PCDHGA6: variants seen among roughly 807,000 people sequenced by gnomAD.
PCDHGA6 encodes the protein protocadherin gamma subfamily A, 6.
Under a neutral mutation model 60.6 loss-of-function variants are expected in PCDHGA6, and 41 were observed. That is an observed-to-expected ratio of 0.68 (90% CI 0.53 to 0.88). The LOEUF is 0.88. PCDHGA6 is among the 40% of genes least tolerant of loss of function. The pLI, the probability that PCDHGA6 is intolerant of heterozygous loss-of-function variation, is 0.00. For synonymous variants in PCDHGA6, 594 were observed against 524.4 expected (o/e 1.13, Z -1.81); for missense variants, 1,312 against 1,203.0 (o/e 1.09, Z -1.34).
rs751874380 is a variant in PCDHGA6 at position 141,486,055 on chromosome 5, C to A, written c.2425-8752C>A. ...CTGATCGTGTAAGAAACCTCTTTAG[C>A]CTGCACCCCACTACTGGAAAGCTTA... On this transcript the variant is annotated intron_variant, in intron 1 of 3. Transcript: ENST00000517434. The surrounding 1 kb of genome is among the most constrained non-coding windows in gnomAD (Gnocchi z 5.0). The A allele has an allele frequency of 6.2e-7, 1 of 1,614,170 alleles. No individual in the cohort carries two copies. Among genetic ancestry groups the A allele is most frequent in the South Asian group, 1.1e-5 (1 of 91,072 alleles).
chr5:141,399,527 T>A (rs781680585), intron 1 of PCDHGA6: 2 of 1,614,016 alleles, frequency 1.2e-6, no homozygotes, highest in East Asian at 2.2e-5. Context: ...GGGGCCTCCA[T>A]CGCGCAAGTC....
At chr5:141,404,472 T>C in intron 1 of PCDHGA6, 1 of 1,613,692 alleles carries the variant, frequency 6.2e-7, no homozygotes, top group Non-Finnish European at 8.5e-7. Context: ...TATGTCTCTA[T>C]TAACTCAGAC....
intron 1 of PCDHGA6, chr5:141,418,928 A>C: frequency 1.2e-6 from 2 of 1,613,978 alleles, no homozygotes; most frequent in Non-Finnish European, 1.7e-6. Flanking sequence ...TGATCAGATT[A>C]TGGAGGATTC....
chr5:141,433,067 T>C, intron 1 of PCDHGA6: 3 of 1,614,144 alleles, frequency 1.9e-6, no homozygotes, highest in Non-Finnish European at 2.5e-6. Context: ...TCACCTGATC[T>C]TCCCCCAGCC....
chr5:141,456,735 C>T (rs568353480), intron 1 of PCDHGA6, among the ~76,000 whole-genome samples: 8 of 152,216 alleles, frequency 5.3e-5, no homozygotes, highest in East Asian at 3.9e-4. Context: ...GAGGCTGAGG[C>T]GGGAGCATCA....
chr5:141,426,909 G>A (rs1293364217), intron 1 of PCDHGA6: 1 of 456,744 alleles, frequency 2.2e-6, no homozygotes, highest in Non-Finnish European at 4.4e-6. Flanking sequence ...TCATCTCCTG[G>A]TCCTGGAAGC....
At chr5:141,388,800 G>T (rs1193679536) in intron 1 of PCDHGA6, 1 of 1,613,896 alleles carries the variant, frequency 6.2e-7, no homozygotes, top group Non-Finnish European at 8.5e-7. Context: ...AAATACATTA[G>T]ATTTTGAAGA....
At chr5:141,417,789 C>G in intron 1 of PCDHGA6, 1 of 1,477,596 alleles carries the variant, frequency 6.8e-7, no homozygotes, top group Non-Finnish European at 9.0e-7. Context: ...GGGCCGAATG[C>G]TCTTTTAGCG....
intron 1 of PCDHGA6, chr5:141,421,938 T>C (rs777643980): frequency 2.9e-5 from 46 of 1,613,346 alleles, no homozygotes; most frequent in Non-Finnish European, 3.5e-5. Context: ...TCGATGTAAA[T>C]GATCACATCC....
At chr5:141,383,749 A>G in intron 1 of PCDHGA6, 1 of 1,614,008 alleles carries the variant, frequency 6.2e-7, no homozygotes, top group South Asian at 1.1e-5. Context: ...TTTTCGGAAA[A>G]TAACTCCTAA....
At chr5:141,381,830 T>C (rs796824162) in intron 1 of PCDHGA6, among the ~76,000 whole-genome samples, 3 of 133,454 alleles carry the variant, frequency 2.2e-5, no homozygotes, top group African/African-American at 9.3e-5. Flanking sequence ...CTTCTTCTTT[T>C]TTTTTTTTTT....
intron 1 of PCDHGA6, chr5:141,403,461 A>G (rs2094410364): frequency 6.2e-7 from 1 of 1,614,010 alleles, no homozygotes; most frequent in Non-Finnish European, 8.5e-7. Context: ...CTCCAGAGCT[A>G]CCAGCTCAGC....
intron 1 of PCDHGA6, among the ~76,000 whole-genome samples, chr5:141,463,736 G>A (rs757788192): frequency 1.3e-5 from 2 of 151,992 alleles, no homozygotes; most frequent in East Asian, 3.9e-4. Flanking sequence ...ATGAGCCACC[G>A]CGCCCGGCCT....
rs528779386 is a variant in PCDHGA6, at chr5:141,509,416, C to T, written c.2573-1531C>T. Among the ~76,000 whole-genome samples, 4 of 152,258 alleles carry T rather than the reference C, an allele frequency of 2.6e-5. No individual in the cohort carries two copies. In the East Asian group the frequency reaches 7.7e-4, roughly 29 times the overall value. ...TCTCAGGGCCTCCAGCAGCGAGCCCCAATGAGTCAAACTCTTGTTTCCTCC... is the reference window on the plus strand; with the variant it reads ...TCTCAGGGCCTCCAGCAGCGAGCCCTAATGAGTCAAACTCTTGTTTCCTCC... On this transcript the variant is annotated intron_variant, in intron 3 of 3. Transcript: ENST00000517434.
rs543116266 is a variant in PCDHGA6 at position 141,474,428 on chromosome 5, C to A, written c.2425-20379C>A. 3.9e-5 allele frequency among the ~76,000 whole-genome samples: 6 copies of A among 152,346 alleles called. 1 individual carries two copies. In the South Asian group the frequency reaches 1.0e-3, roughly 26 times the overall value. On this transcript the variant is annotated intron_variant, in intron 1 of 3. Coordinates refer to ENST00000517434, the MANE Select transcript of PCDHGA6 (RefSeq NM_018919.3). ...CGGTGATGCCTAGACCATTGGTCCT[C>A]ACACTTTGAGTAGCAAGTGATTGGG...
intron 1 of PCDHGA6, chr5:141,400,558 C>T: frequency 1.2e-6 from 2 of 1,613,290 alleles, no homozygotes; most frequent in Non-Finnish European, 1.7e-6. Flanking sequence ...TTTTTCATTA[C>T]CCACCCAATT....
In PCDHGA6 at chr5:141,432,725, G is replaced by T; in HGVS notation, c.2424+56218G>T. The T allele has an allele frequency of 6.2e-7, 1 of 1,614,014 alleles. No individual in the cohort carries two copies. On this transcript the variant is annotated intron_variant, in intron 1 of 3. Coordinates refer to ENST00000517434, the MANE Select transcript of PCDHGA6 (RefSeq NM_018919.3). The surrounding 1 kb of genome is among the most constrained non-coding windows in gnomAD (Gnocchi z 6.0). ...GGACCACGGCCAGCCCCCTCTCTCC[G>T]CCACTGTCACGCTCACCGTGGCCGT...
At position 141,493,412 on chromosome 5, in the gene PCDHGA6, G is replaced by A. The variant is rs1288041038; in HGVS notation, c.2425-1395G>A. Among the ~76,000 whole-genome samples, 3 of 152,114 alleles carry A rather than the reference G, an allele frequency of 2.0e-5. No individual in the cohort carries two copies. The highest frequency in any genetic ancestry group is 4.4e-5 in the Non-Finnish European group (3 of 68,024). On this transcript the variant is annotated intron_variant, in intron 1 of 3. Coordinates refer to ENST00000517434, the MANE Select transcript of PCDHGA6 (RefSeq NM_018919.3). This position sits in a 1 kb window ranked among gnomAD's most constrained non-coding sequence, Gnocchi z 4.3. ...CAGGAGAGGGGAGTTGCCTCTGCTG[G>A]GATTTTGCTTCTGCTGGGATGGGGC...
At position 141,432,660 on chromosome 5, in the gene PCDHGA6, A is replaced by G; in HGVS notation, c.2424+56153A>G. The G allele has an allele frequency of 6.2e-7, 1 of 1,613,768 alleles. No individual in the cohort carries two copies. Among genetic ancestry groups the G allele is most frequent in the African/African-American group, 1.3e-5 (1 of 75,026 alleles). ...GTGCGCACGGCGCGAGCCCTGCTGG[A>G]CAGAGACGCGCTCAAGCAGAGCCTC... On this transcript the variant is annotated intron_variant, in intron 1 of 3. Coordinates refer to ENST00000517434, the MANE Select transcript of PCDHGA6 (RefSeq NM_018919.3). The surrounding 1 kb of genome is among the most constrained non-coding windows in gnomAD (Gnocchi z 6.0).
Sources: gnomAD v4.1 joint callset for allele counts (sites outside exome capture counted in the v4.1 genomes callset) on GRCh38, gnomAD v4.1.1 for gene constraint, Gnocchi (gnomAD v3.1) non-coding constraint, MANE v1.5 for transcripts, NCBI Gene and HGNC (gene_info 2026-07-23, HGNC 2026-07-21) for gene names.